Variants in FOXP4 observed in about 807,000 individuals in gnomAD.
FOXP4 encodes the protein forkhead box protein P4.
In FOXP4, 25 loss-of-function variants were observed where a neutral mutation model predicts 82.6. The observed-to-expected ratio is 0.30, with a 90% CI of 0.22 to 0.42. The LOEUF is 0.42. FOXP4 is among the 10% of genes least tolerant of loss of function. The probability of loss-of-function intolerance (pLI) is 1.00; values close to 1 mark genes in which losing one functional copy is unlikely to be tolerated. For synonymous variants in FOXP4, 415 were observed against 388.2 expected, an observed-to-expected ratio of 1.07 and a Z score of -0.81; for missense variants, 785 against 900.9, an observed-to-expected ratio of 0.87 and a Z score of 1.65.
intron 14 of FOXP4, 35 bp downstream of exon 14, chr6:41,595,026 C>G: frequency 6.2e-7 from 1 of 1,612,776 alleles, no homozygotes; most frequent in Non-Finnish European, 8.5e-7. Flanking sequence ...GCTGTACCTG[C>G]CCAGGGGGCA....
chr6:41,578,121 G>C, intron 3 of FOXP4, 40 bp downstream of exon 3: 2 of 1,562,722 alleles, frequency 1.3e-6, no homozygotes, highest in Non-Finnish European at 8.8e-7. Context: ...GGTTGGGCTG[G>C]AGTGTGGGCC....
At chr6:41,587,267 G>A in intron 6 of FOXP4, 32 bp from the exon 7 acceptor site, 1 of 1,609,708 alleles carries the variant, frequency 6.2e-7, no homozygotes, top group African/African-American at 1.3e-5. Flanking sequence ...GTGTTCGTGG[G>A]GCCCTGCCAG....
chr6:41,559,851 C>G (rs1396871247), intron 1 of FOXP4, among the ~76,000 whole-genome samples: 1 of 152,194 alleles, frequency 6.6e-6, no homozygotes, highest in Non-Finnish European at 1.5e-5. Flanking sequence ...CCCAGGCCCA[C>G]TCCAGACCTG....
At chr6:41,565,646 C>A in intron 1 of FOXP4, 99 bp from the exon 2 acceptor site, 1 of 1,103,744 alleles carries the variant, frequency 9.1e-7, no homozygotes, top group African/African-American at 1.6e-5. Context: ...AGATGCCCAG[C>A]TACTCCTGTG....
Position 41,585,484 on chromosome 6 carries a change from C to G in FOXP4, c.477C>G (p.Thr159=). The G allele has an allele frequency of 6.2e-7, 1 of 1,613,934 alleles. No individual in the cohort carries two copies. Among genetic ancestry groups the G allele is most frequent in the Non-Finnish European group, 8.5e-7 (1 of 1,179,914 alleles). ...AGCAGCTCCACCTGCAGCTCCTCAC[C>G]CAGCAGCAGGCTGGGAAACCGCAGC... is the stretch of plus-strand genomic sequence containing the variant. The part of the protein sequence containing the change: ...QQEQLHLQLL[T]QQQAGKPQPK... Residue 159 remains threonine (T), a synonymous_variant, in exon 5 of 17, where the codon ACC becomes ACG. Coordinates refer to ENST00000307972, the MANE Select transcript of FOXP4 (RefSeq NM_001012426.2).
At chr6:41,553,730 G>A (rs559896541) in intron 1 of FOXP4, among the ~76,000 whole-genome samples, 1 of 152,304 alleles carries the variant, frequency 6.6e-6, no homozygotes, top group Non-Finnish European at 1.5e-5. Flanking sequence ...ACCCTAGTTG[G>A]GGACAGAGGA....
intron 1 of FOXP4, among the ~76,000 whole-genome samples, chr6:41,564,290 G>A (rs903712656): frequency 2.0e-5 from 3 of 152,102 alleles, no homozygotes; most frequent in South Asian, 2.1e-4. Flanking sequence ...ATGGTGTTGC[G>A]TGCCTGTAGT....
rs140161701 is a variant in FOXP4, at chr6:41,583,271, C to T, written c.301-1498C>T. Among the ~76,000 whole-genome samples, 154 of 152,342 alleles carry T rather than the reference C, an allele frequency of 1.0e-3. 1 individual carries two copies. Among genetic ancestry groups the T allele is most frequent in the South Asian group, 6.8e-3 (33 of 4,832 alleles). On this transcript the variant is annotated intron_variant, in intron 3 of 16. Coordinates refer to ENST00000307972, the MANE Select transcript of FOXP4 (RefSeq NM_001012426.2). ...GGATTCCCCAATGTCCTTGGATTCA[C>T]TGTACCTCCCTGGTTGCTTCTCTGC... is the stretch of plus-strand genomic sequence containing the variant.
At chr6:41,553,428 T>C (rs1764108740) in intron 1 of FOXP4, among the ~76,000 whole-genome samples, 1 of 152,106 alleles carries the variant, frequency 6.6e-6, no homozygotes. Flanking sequence ...CCCATTCCTT[T>C]TTTTCTGCCT....
At chr6:41,596,288 G>A (rs9369295) in intron 14 of FOXP4, among the ~76,000 whole-genome samples, 8 of 152,152 alleles carry the variant, frequency 5.3e-5, no homozygotes, top group East Asian at 1.9e-4. Flanking sequence ...GCCTTCTCCC[G>A]ACCTCAAACA....
At chr6:41,573,335 T>A (rs145933276) in intron 2 of FOXP4, among the ~76,000 whole-genome samples, 1 of 152,270 alleles carries the variant, frequency 6.6e-6, no homozygotes, top group Non-Finnish European at 1.5e-5. Context: ...GCACCGAGAC[T>A]TGTTTTTCTA....
chr6:41,565,720 C>T (rs773070405), intron 1 of FOXP4, 25 bp from the exon 2 acceptor site: 1 of 1,558,110 alleles, frequency 6.4e-7, no homozygotes, highest in Non-Finnish European at 8.7e-7. Flanking sequence ...TCAGCCTCTC[C>T]CCTGTGTCTC....
chr6:41,572,295 A>C (rs1019626292), intron 2 of FOXP4, among the ~76,000 whole-genome samples: 2 of 152,076 alleles, frequency 1.3e-5, no homozygotes, highest in Non-Finnish European at 2.9e-5. Context: ...TTCCCTGGCC[A>C]CACACCCTAG....
In FOXP4 at chr6:41,558,973, TA is replaced by T. The variant is rs1175225368; in HGVS notation, c.-16-6771del. ...TTTTTATATAATCTAGAAATGTATG[TA>T]TTTCAAAGGTTTTTCATTCTGGAAA... is the stretch of plus-strand genomic sequence containing the variant. On this transcript the variant is annotated intron_variant, in intron 1 of 16. Transcript: ENST00000307972. This position sits in a 1 kb window ranked among gnomAD's most constrained non-coding sequence, Gnocchi z 4.0. Among the ~76,000 whole-genome samples, 1 of 152,254 alleles carries T rather than the reference TA, an allele frequency of 6.6e-6. No homozygotes were observed. Among genetic ancestry groups the T allele is most frequent in the Non-Finnish European group, 1.5e-5 (1 of 68,046 alleles).
chr6:41,583,208 G>A lies in FOXP4; in HGVS notation c.301-1561G>A, dbSNP rs556214138. On this transcript the variant is annotated intron_variant, in intron 3 of 16. Transcript: ENST00000307972. ...GTAAAGCCCAGGGGCAGGGACAGCCGCCAGTGATGGGGTGAGCGAGAGGTG... is the reference window on the plus strand; with the variant it reads ...GTAAAGCCCAGGGGCAGGGACAGCCACCAGTGATGGGGTGAGCGAGAGGTG... Among the ~76,000 whole-genome samples the A allele has an allele frequency of 9.2e-5, 14 of 152,318 alleles. 1 individual carries two copies. Among genetic ancestry groups the A allele is most frequent in the African/African-American group, 2.6e-4 (11 of 41,588 alleles).
chr6:41,574,078 C>G (rs1431121628), intron 2 of FOXP4, among the ~76,000 whole-genome samples: 3 of 152,178 alleles, frequency 2.0e-5, no homozygotes, highest in African/African-American at 7.2e-5. Flanking sequence ...ACCTTTCTCA[C>G]CCAGGGCTGT....
chr6:41,561,923 G>T (rs553617751), intron 1 of FOXP4, among the ~76,000 whole-genome samples: 1 of 152,318 alleles, frequency 6.6e-6, no homozygotes, highest in East Asian at 1.9e-4. Flanking sequence ...CAGGGTTCAG[G>T]CTCCTGTGGA....
chr6:41,591,996 T>G lies in FOXP4; in HGVS notation c.1536+674T>G, dbSNP rs528619873. On this transcript the variant is annotated intron_variant, in intron 13 of 16. Transcript: ENST00000307972. This position sits in a 1 kb window ranked among gnomAD's most constrained non-coding sequence, Gnocchi z 4.2. ...TTTTTCTATAGCCAAAAGGGGGGTG[T>G]GTGTGTGTGTCTGTCTGTCTGTCTC... 6.6e-6 allele frequency among the ~76,000 whole-genome samples: 1 copy of G among 151,086 alleles called. No homozygotes were observed. The highest frequency in any genetic ancestry group is 1.5e-5 in the Non-Finnish European group (1 of 67,826).
intron 2 of FOXP4, among the ~76,000 whole-genome samples, chr6:41,567,467 G>A (rs1764947199): frequency 1.3e-5 from 2 of 152,130 alleles, no homozygotes; most frequent in African/African-American, 4.8e-5. Context: ...CATTTGCTGG[G>A]GACAGAAGGT....
Sources: allele counts gnomAD v4.1 joint callset (sites outside exome capture counted in the v4.1 genomes callset), GRCh38; gene constraint gnomAD v4.1.1; non-coding constraint Gnocchi (gnomAD v3.1); transcripts MANE v1.5; gene names NCBI Gene and HGNC (gene_info 2026-07-23, HGNC 2026-07-21).